Variants in ARHGEF7 observed in about 807,000 individuals in gnomAD.
ARHGEF7 encodes Rho guanine nucleotide exchange factor 7.
A neutral mutation model predicts 109.8 loss-of-function variants in ARHGEF7; 33 were observed. The observed-to-expected ratio is 0.30, with a 90% confidence interval of 0.23 to 0.40. ARHGEF7 has a LOEUF of 0.40. Among genes scored for constraint, ARHGEF7 ranks in the 10% least tolerant of loss-of-function variants. ARHGEF7 has a pLI of 1.00. For synonymous variants in ARHGEF7, 458 were observed against 424.6 expected (o/e 1.08, Z -0.97); for missense variants, 938 against 1,098.5 (o/e 0.85, Z 2.07).
chr13:111,122,372 G>C lies in ARHGEF7; in HGVS notation c.165+6681G>C, dbSNP rs570276988. On this transcript the variant is annotated intron_variant, in intron 1 of 21. Coordinates refer to ENST00000646102, the MANE Select transcript of ARHGEF7 (RefSeq NM_001354046.2). Reference sequence around the variant, plus strand: ...GAGGGCTTTGGGGCCGCCCCGGTCCGACTGCTTCCCGGGTACAGCTTCTGA... The same window carrying C: ...GAGGGCTTTGGGGCCGCCCCGGTCCCACTGCTTCCCGGGTACAGCTTCTGA... Among the ~76,000 whole-genome samples, 3 of 152,232 alleles carry C rather than the reference G, an allele frequency of 2.0e-5. No individual in the cohort carries two copies. In the South Asian group the frequency reaches 6.2e-4, roughly 32 times the overall value.
chr13:111,288,313 C>T (rs1432479758), intron 17 of ARHGEF7, 41 bp from the exon 18 acceptor site: 1 of 1,445,546 alleles, frequency 6.9e-7, no homozygotes, highest in Non-Finnish European at 9.7e-7. Flanking sequence ...GCCCTAGAGG[C>T]CTTTCAGTTC....
chr13:111,235,449 A>C (rs550259475), intron 6 of ARHGEF7, among the ~76,000 whole-genome samples: 5 of 152,308 alleles, frequency 3.3e-5, no homozygotes, highest in Non-Finnish European at 5.9e-5. Flanking sequence ...CTTTTCTTCA[A>C]ATCAGCCAAC....
At chr13:111,221,372 T>G (rs182504361) in intron 5 of ARHGEF7, among the ~76,000 whole-genome samples, 427 of 32,714 alleles carry the variant, frequency 0.013, 171 homozygotes, top group African/African-American at 0.047. Context: ...TATCTATATA[T>G]ATATCTATAT....
At chr13:111,189,746 C>T (rs1007983780) in intron 2 of ARHGEF7, among the ~76,000 whole-genome samples, 1 of 152,130 alleles carries the variant, frequency 6.6e-6, no homozygotes, top group Admixed American at 6.5e-5. Flanking sequence ...TTACAGAGTG[C>T]TGATTGGTGC....
chr13:111,121,597 C>T (rs1468098076), intron 1 of ARHGEF7, among the ~76,000 whole-genome samples: 5 of 152,192 alleles, frequency 3.3e-5, no homozygotes, highest in East Asian at 1.9e-4. Context: ...GACGCCCACG[C>T]GTCTCTCACT....
intron 8 of ARHGEF7, among the ~76,000 whole-genome samples, chr13:111,247,896 G>C (rs960410155): frequency 6.6e-6 from 1 of 152,164 alleles, no homozygotes; most frequent in African/African-American, 2.4e-5. Context: ...GGTGAGATGT[G>C]CTTTCTTCCT....
intron 2 of ARHGEF7, among the ~76,000 whole-genome samples, chr13:111,168,507 CAG>C (rs1411568860): frequency 2.6e-5 from 4 of 152,118 alleles, no homozygotes; most frequent in African/African-American, 9.7e-5. Context: ...GGAATATTAA[CAG>C]GGAAATACCA....
chr13:111,191,751 C>G (rs1436111593), intron 2 of ARHGEF7, among the ~76,000 whole-genome samples: 2 of 151,918 alleles, frequency 1.3e-5, no homozygotes, highest in Non-Finnish European at 1.5e-5. Context: ...GATAGATAGT[C>G]AAAGAGTAAA....
In ARHGEF7 at chr13:111,283,158, C is replaced by T; in HGVS notation, c.1745C>T (p.Thr582Ile). ...TGGCAGCTCCCCTCCCACCCGGTCA[C>T]TCCGTCCAGCAAGCACGCAGACAGC... Reference protein sequence around the residue: ...PSHTLPSHPVTPSSKHADSKP... With the variant: ...PSHTLPSHPVIPSSKHADSKP... Residue 582 changes from threonine to isoleucine, a missense_variant, in exon 16 of 22, where the codon ACT becomes ATT. Thr to Ile is a moderately conservative substitution (Grantham distance 89, BLOSUM62 -1). Transcript: ENST00000646102. 6.3e-7 allele frequency: 1 copy of T among 1,591,858 alleles called. No homozygotes were observed. The highest frequency in any genetic ancestry group is 8.5e-7 in the Non-Finnish European group (1 of 1,169,712).
At chr13:111,127,912 TCAATA>T (rs2067686399) in intron 1 of ARHGEF7, among the ~76,000 whole-genome samples, 1 of 152,078 alleles carries the variant, frequency 6.6e-6, no homozygotes, top group Non-Finnish European at 1.5e-5. Context: ...TAAAAATCAA[TCAATA>T]CAATTCATGA....
rs545010434 is a variant in ARHGEF7 at position 111,258,551 on chromosome 13, A to G, written c.951-8997A>G. On this transcript the variant is annotated intron_variant, in intron 8 of 21. Coordinates refer to ENST00000646102, the MANE Select transcript of ARHGEF7 (RefSeq NM_001354046.2). The surrounding 1 kb of genome is among the most constrained non-coding windows in gnomAD (Gnocchi z 4.4). ...TCAGGATCCATCATCTGCTGACTAA[A>G]GAGTCCTTGGGCCCTGAGTAATCAG... is the stretch of plus-strand genomic sequence containing the variant. 2.6e-5 allele frequency among the ~76,000 whole-genome samples: 4 copies of G among 152,348 alleles called. No individual in the cohort carries two copies. The East Asian group carries it at 7.7e-4, about 29-fold the overall frequency.
At chr13:111,178,794 T>G (rs574872450) in intron 2 of ARHGEF7, among the ~76,000 whole-genome samples, 1 of 152,314 alleles carries the variant, frequency 6.6e-6, no homozygotes, top group South Asian at 2.1e-4. Flanking sequence ...GGAAGATTAG[T>G]GTGGCAGTGA....
chr13:111,249,839 C>T (rs1463773614), intron 8 of ARHGEF7, among the ~76,000 whole-genome samples: 1 of 152,118 alleles, frequency 6.6e-6, no homozygotes, highest in Non-Finnish European at 1.5e-5. Flanking sequence ...GAGGCCATGA[C>T]ACAGGGTTGT....
chr13:111,159,404 A>G (rs2076581162), intron 2 of ARHGEF7, among the ~76,000 whole-genome samples: 1 of 152,210 alleles, frequency 6.6e-6, no homozygotes. Context: ...TATACCCAGT[A>G]GTGGGATTGC....
intron 6 of ARHGEF7, among the ~76,000 whole-genome samples, chr13:111,238,050 A>G (rs2087079590): frequency 6.6e-6 from 1 of 152,228 alleles, no homozygotes; most frequent in Admixed American, 6.5e-5. Context: ...GAGGAAATCA[A>G]GATCTCTTAA....
At chr13:111,135,383 C>T (rs2075035535) in intron 1 of ARHGEF7, among the ~76,000 whole-genome samples, 2 of 152,146 alleles carry the variant, frequency 1.3e-5, no homozygotes, top group African/African-American at 4.8e-5. Context: ...CTATAAATTA[C>T]CTTGGGCAGT....
intron 1 of ARHGEF7, among the ~76,000 whole-genome samples, chr13:111,137,569 G>A (rs1311975500): frequency 6.6e-6 from 1 of 152,204 alleles, no homozygotes; most frequent in African/African-American, 2.4e-5. Context: ...TGGGCTTTTG[G>A]AGTATTTAAG....
chr13:111,187,305 G>A (rs954787964), intron 2 of ARHGEF7, among the ~76,000 whole-genome samples: 3 of 152,212 alleles, frequency 2.0e-5, no homozygotes, highest in South Asian at 2.1e-4. Context: ...TGGGTCCAGC[G>A]AGATGCATCT....
chr13:111,130,815 G>A (rs2074705911), intron 1 of ARHGEF7, among the ~76,000 whole-genome samples: 1 of 152,230 alleles, frequency 6.6e-6, no homozygotes, highest in Non-Finnish European at 1.5e-5. Flanking sequence ...TCCTCAAGAA[G>A]TGGCATTTGA....
Sources: gnomAD v4.1 joint callset for allele counts (sites outside exome capture counted in the v4.1 genomes callset) on GRCh38, gnomAD v4.1.1 for gene constraint, Gnocchi (gnomAD v3.1) non-coding constraint, MANE v1.5 for transcripts, NCBI Gene and HGNC (gene_info 2026-07-23, HGNC 2026-07-21) for gene names.